Variants in MALRD1 observed in about 807,000 individuals in gnomAD.
MALRD1 encodes the protein MAM and LDL receptor class A domain containing 1, also known as MAM and LDL-receptor class A domain-containing protein 1.
In MALRD1, 247 loss-of-function variants were observed where a neutral mutation model predicts 242.1. That is an observed-to-expected ratio of 1.02 (90% CI 0.92 to 1.13). MALRD1 has a LOEUF of 1.13. Ranked by LOEUF, MALRD1 falls within the 50% of genes most tolerant of loss-of-function variation. MALRD1 has a pLI of 0.00. For missense variants in MALRD1, 2,989 were observed against 2,533.1 expected, an observed-to-expected ratio of 1.18 and a Z score of -3.86; for synonymous variants, 995 against 866.6, an observed-to-expected ratio of 1.15 and a Z score of -2.60.
intron 36 of MALRD1, among the ~76,000 whole-genome samples, chr10:19,651,319 A>T (rs2131706334): frequency 6.6e-6 from 1 of 152,310 alleles, no homozygotes; most frequent in South Asian, 2.1e-4. Flanking sequence ...ATCTAACTTC[A>T]GAAAAGTTAA....
intron 34 of MALRD1, among the ~76,000 whole-genome samples, chr10:19,595,728 A>G (rs1047038072): frequency 3.3e-5 from 5 of 152,156 alleles, no homozygotes; most frequent in African/African-American, 9.6e-5. Context: ...AGATGCCGTT[A>G]TGTGTTCTTA....
chr10:19,242,808 A>G (rs1288487050), intron 18 of MALRD1, among the ~76,000 whole-genome samples: 1 of 151,714 alleles, frequency 6.6e-6, no homozygotes, highest in African/African-American at 2.4e-5. Context: ...CTTTCAGTCT[A>G]TTTGTCTTTA....
chr10:19,389,645 T>A, intron 28 of MALRD1, 36 bp downstream of exon 28: 1 of 1,534,692 alleles, frequency 6.5e-7, no homozygotes, highest in Middle Eastern at 2.0e-4. Context: ...TGAGCTTGTT[T>A]TGTTCTGTTT....
At chr10:19,734,047 C>A in intron 39 of MALRD1, 110 bp from the exon 40 acceptor site, 2 of 762,992 alleles carry the variant, frequency 2.6e-6, no homozygotes, top group Non-Finnish European at 4.2e-6. Flanking sequence ...CTAGTTATTA[C>A]TCCAGTGAAA....
chr10:19,166,391 AGAGAG>A (rs1413924440), intron 13 of MALRD1, among the ~76,000 whole-genome samples: 2 of 152,212 alleles, frequency 1.3e-5, no homozygotes, highest in Non-Finnish European at 2.9e-5. Flanking sequence ...TCATGGAGGT[AGAGAG>A]GAGAATGGTG....
intron 36 of MALRD1, among the ~76,000 whole-genome samples, chr10:19,658,177 T>C (rs889046681): frequency 2.0e-5 from 3 of 151,926 alleles, no homozygotes; most frequent in Non-Finnish European, 1.5e-5. Flanking sequence ...AAAAACCCAC[T>C]AATTTCAAAA....
chr10:19,234,485 C>T (rs990036180), intron 18 of MALRD1, among the ~76,000 whole-genome samples: 5 of 151,890 alleles, frequency 3.3e-5, no homozygotes, highest in Non-Finnish European at 1.5e-5. Flanking sequence ...TAGTTTATTT[C>T]TCTCTTTTCA....
intron 28 of MALRD1, among the ~76,000 whole-genome samples, chr10:19,407,785 C>T (rs1196564705): frequency 6.6e-6 from 1 of 152,124 alleles, no homozygotes; most frequent in Non-Finnish European, 1.5e-5. Context: ...AACAATTTGG[C>T]AGTAGTAAGT....
intron 28 of MALRD1, among the ~76,000 whole-genome samples, chr10:19,444,494 G>T (rs1388785267): frequency 6.6e-6 from 1 of 152,144 alleles, no homozygotes; most frequent in East Asian, 1.9e-4. Flanking sequence ...CTATTGTAAG[G>T]CAGGCTTGGT....
intron 33 of MALRD1, among the ~76,000 whole-genome samples, chr10:19,587,474 T>C (rs1255914746): frequency 6.6e-6 from 1 of 152,234 alleles, no homozygotes; most frequent in South Asian, 2.1e-4. Flanking sequence ...TCTAAACATA[T>C]TAATCATAAA....
chr10:19,587,751 G>C (rs1837512024), intron 33 of MALRD1, among the ~76,000 whole-genome samples: 1 of 152,112 alleles, frequency 6.6e-6, no homozygotes, highest in Admixed American at 6.5e-5. Context: ...TAATCAGAGA[G>C]ATGTCTTGGT....
chr10:19,612,702 A>G (rs537691497), intron 35 of MALRD1, among the ~76,000 whole-genome samples: 41 of 152,110 alleles, frequency 2.7e-4, no homozygotes, highest in African/African-American at 9.4e-4. Flanking sequence ...GAAACTTACA[A>G]TCATGATGGA....
intron 36 of MALRD1, among the ~76,000 whole-genome samples, chr10:19,665,737 A>G (rs971044447): frequency 6.6e-6 from 1 of 152,140 alleles, no homozygotes; most frequent in African/African-American, 2.4e-5. Context: ...ACCACTCAGG[A>G]TTTCTGATTC....
intron 5 of MALRD1, among the ~76,000 whole-genome samples, chr10:19,117,160 A>T (rs1257613510): frequency 6.6e-6 from 1 of 151,970 alleles, no homozygotes; most frequent in Non-Finnish European, 1.5e-5. Context: ...AATTAATATG[A>T]GTATAAATAA....
intron 18 of MALRD1, among the ~76,000 whole-genome samples, chr10:19,214,112 C>T (rs537096254): frequency 6.6e-6 from 1 of 152,186 alleles, no homozygotes; most frequent in Admixed American, 6.5e-5. Context: ...TTAGGGGGAC[C>T]CTTTGCAGAG....
chr10:19,491,794 T>G, intron 30 of MALRD1, 149 bp downstream of exon 30: 2 of 814,588 alleles, frequency 2.5e-6, no homozygotes, highest in Non-Finnish European at 3.7e-6. Flanking sequence ...TCCCCAAATT[T>G]GTATACAAGT....
At chr10:19,672,239 A>G (rs1256228312) in intron 36 of MALRD1, among the ~76,000 whole-genome samples, 1 of 152,036 alleles carries the variant, frequency 6.6e-6, no homozygotes, top group Non-Finnish European at 1.5e-5. Context: ...CAACAAAGAT[A>G]CATAAACAGT....
Position 19,203,766 on chromosome 10 carries a change from T to A in MALRD1, c.1990T>A (p.Phe664Ile). 2.1e-5 allele frequency: 33 copies of A among 1,549,692 alleles called. No homozygotes were observed. The highest frequency in any genetic ancestry group is 2.9e-5 in the Non-Finnish European group (33 of 1,146,272). The part of the protein sequence containing the change: ...CDFEANSCDW[F>I]EAISGDHFDW... Reference sequence around the variant, plus strand: ...CTTTGAAGCAAACAGCTGTGATTGGTTTGAAGCAATTAGTGGTGACCATTT... The same window carrying A: ...CTTTGAAGCAAACAGCTGTGATTGGATTGAAGCAATTAGTGGTGACCATTT... Residue 664 changes from phenylalanine to isoleucine, a missense_variant, in exon 15 of 40, where the codon TTT becomes ATT. By Grantham distance (21) the Phe-to-Ile change is conservative. Transcript: ENST00000454679.
chr10:19,594,085 A>G (rs975334564), intron 33 of MALRD1, among the ~76,000 whole-genome samples: 1 of 152,212 alleles, frequency 6.6e-6, no homozygotes, highest in Non-Finnish European at 1.5e-5. Context: ...ACTAAGAGAC[A>G]GTAAATAAAT....
Sources: gnomAD v4.1 joint callset for allele counts (sites outside exome capture counted in the v4.1 genomes callset) on GRCh38, gnomAD v4.1.1 for gene constraint, MANE v1.5 for transcripts, NCBI Gene and HGNC (gene_info 2026-07-23, HGNC 2026-07-21) for gene names.